Variants in POGLUT1 observed in about 807,000 individuals in gnomAD.
POGLUT1 encodes the protein 9630046K23Rik.
Under a neutral mutation model 61.3 loss-of-function variants are expected in POGLUT1, and 32 were observed. That is an observed-to-expected ratio of 0.52 (90% CI 0.39 to 0.70). The LOEUF is 0.70. Among genes scored for constraint, POGLUT1 ranks in the 30% least tolerant of loss-of-function variants. The pLI is 0.00. For missense variants in POGLUT1, 411 were observed against 469.8 expected (o/e 0.87, Z 1.16); for synonymous variants, 158 against 158.2 (o/e 1.00, Z 0.01).
At chr3:119,472,388 A>T (rs532672593) in intron 3 of POGLUT1, among the ~76,000 whole-genome samples, 79 of 152,320 alleles carry the variant, frequency 5.2e-4, no homozygotes, top group Non-Finnish European at 1.3e-4. Flanking sequence ...GTATTTAATA[A>T]CAACTTTGTA....
At chr3:119,487,403 A>G (rs2081678139) in intron 7 of POGLUT1, among the ~76,000 whole-genome samples, 2 of 152,120 alleles carry the variant, frequency 1.3e-5, no homozygotes, top group African/African-American at 4.8e-5. Flanking sequence ...CCTGGCCAAC[A>G]TGGTGAAACC....
In POGLUT1 at chr3:119,493,773, T is replaced by G. The variant is rs942472394; in HGVS notation, c.*1335T>G. 5 of 151,692 alleles carry G rather than the reference T, an allele frequency of 3.3e-5. No individual in the cohort carries two copies. In the East Asian group the frequency reaches 9.7e-4, roughly 29 times the overall value. 9.4% of individuals were successfully genotyped at this position (151,692 alleles called of 1,614,324 possible). On this transcript the variant is annotated 3_prime_UTR_variant, in exon 11 of 11. Transcript: ENST00000295588. ...AGTTGAGCATGCCTGGCAAGATCAT[T>G]TCATGGAATAAGCAGATGTTTAAAG...
intron 2 of POGLUT1, among the ~76,000 whole-genome samples, chr3:119,470,785 C>T (rs1183832321): frequency 1.3e-5 from 2 of 152,128 alleles, no homozygotes; most frequent in Non-Finnish European, 2.9e-5. Context: ...CAAAAAATTC[C>T]TTGGATGCTT....
intron 3 of POGLUT1, 58 bp from the exon 4 acceptor site, chr3:119,477,255 C>G: frequency 6.4e-7 from 1 of 1,570,628 alleles, no homozygotes; most frequent in Non-Finnish European, 8.7e-7. Flanking sequence ...GGGACCTCGC[C>G]TTGTCCTAGA....
chr3:119,473,874 T>A (rs1166581926), intron 3 of POGLUT1, among the ~76,000 whole-genome samples: 1 of 152,158 alleles, frequency 6.6e-6, no homozygotes, highest in African/African-American at 2.4e-5. Context: ...TTCGTCAGGC[T>A]GGTCTCAAAC....
At chr3:119,483,630 A>T (rs1311194120) in intron 5 of POGLUT1, among the ~76,000 whole-genome samples, 4 of 152,206 alleles carry the variant, frequency 2.6e-5, no homozygotes, top group African/African-American at 9.7e-5. Flanking sequence ...TTGTTACCTA[A>T]CAGTATGTAT....
chr3:119,474,217 T>C (rs757106033), intron 3 of POGLUT1, among the ~76,000 whole-genome samples: 3 of 152,218 alleles, frequency 2.0e-5, no homozygotes, highest in Non-Finnish European at 4.4e-5. Flanking sequence ...ATATGTTAAT[T>C]AGCTTGATAT....
chr3:119,471,160 T>A lies in POGLUT1; in HGVS notation c.177-149T>A, dbSNP rs1273990908. 14 of 708,128 alleles carry A rather than the reference T, an allele frequency of 2.0e-5. No individual in the cohort carries two copies. In the East Asian group the frequency reaches 3.2e-4, roughly 16 times the overall value. 43.9% of individuals were successfully genotyped at this position (708,128 alleles called of 1,614,324 possible). A position where few individuals can be genotyped will look rare whatever the true frequency, so the allele number is the denominator to read the frequency against. On this transcript the variant is annotated intron_variant, in intron 2 of 10. Coordinates refer to ENST00000295588, the MANE Select transcript of POGLUT1 (RefSeq NM_152305.3). ...TGATGTTTCAGATTACCTACAGGGC[T>A]TCTAGGGAAGAGCTGCTCATTCTCA...
At chr3:119,487,917 T>C (rs1256048063) in intron 7 of POGLUT1, 3 of 152,198 alleles carry the variant, frequency 2.0e-5, no homozygotes, top group Non-Finnish European at 4.4e-5. Context: ...ACTTTTCAAG[T>C]GATTCTAAGG....
chr3:119,480,215 T>G, intron 5 of POGLUT1, 43 bp downstream of exon 5: 1 of 1,471,270 alleles, frequency 6.8e-7, no homozygotes, highest in Non-Finnish European at 9.2e-7. Flanking sequence ...TTTCTGGGTT[T>G]TCTTGAAATA....
At chr3:119,469,368 G>A in intron 1 of POGLUT1, 1 of 579,106 alleles carries the variant, frequency 1.7e-6, no homozygotes, top group Middle Eastern at 3.1e-4. Context: ...CGCAGGAGGC[G>A]TGGCCCGTGC....
At chr3:119,477,277 C>T in intron 3 of POGLUT1, 36 bp from the exon 4 acceptor site, 4 of 1,610,848 alleles carry the variant, frequency 2.5e-6, no homozygotes, top group Non-Finnish European at 3.4e-6. Flanking sequence ...CCTGCAGGCA[C>T]TACTCTGCTG....
chr3:119,471,088 A>G (rs2081465156), intron 2 of POGLUT1, among the ~76,000 whole-genome samples: 1 of 152,258 alleles, frequency 6.6e-6, no homozygotes, highest in Non-Finnish European at 1.5e-5. Flanking sequence ...GGAAGGAGGA[A>G]GAAGAGACAT....
chr3:119,491,777 G>A (rs1252474530), intron 10 of POGLUT1, among the ~76,000 whole-genome samples: 5 of 152,286 alleles, frequency 3.3e-5, no homozygotes, highest in African/African-American at 9.6e-5. Flanking sequence ...AAGATGGGCC[G>A]GGCGTGGTGG....
intron 3 of POGLUT1, 86 bp downstream of exon 3, chr3:119,471,538 T>A: frequency 1.7e-6 from 2 of 1,164,688 alleles, no homozygotes; most frequent in Non-Finnish European, 2.6e-6. Flanking sequence ...TTCATGGGAC[T>A]AACAAGCAGA....
Position 119,485,212 on chromosome 3 carries a change from G to T in POGLUT1, c.579-116G>T, listed in dbSNP as rs1187091820. 12 of 643,762 alleles carry T rather than the reference G, an allele frequency of 1.9e-5. No individual in the cohort carries two copies. In the African/African-American group the frequency reaches 2.0e-4, roughly 11 times the overall value. 39.9% of individuals were successfully genotyped at this position (643,762 alleles called of 1,614,324 possible). On this transcript the variant is annotated intron_variant, in intron 5 of 10. Coordinates refer to ENST00000295588, the MANE Select transcript of POGLUT1 (RefSeq NM_152305.3). ...AGCCTGGACGACAGTGCGAGACTCC[G>T]TCTCAAAAAAAAAAAAGAAATATGA...
At chr3:119,480,373 C>G (rs527560831) in intron 5 of POGLUT1, among the ~76,000 whole-genome samples, 37 of 152,078 alleles carry the variant, frequency 2.4e-4, no homozygotes, top group Non-Finnish European at 4.4e-4. Context: ...CTCAGCCTCC[C>G]GAGTAGCTGG....
chr3:119,469,969 T>C, intron 2 of POGLUT1, 59 bp downstream of exon 2: 3 of 1,004,784 alleles, frequency 3.0e-6, no homozygotes, highest in Non-Finnish European at 4.7e-6. Context: ...GGAAGTATTC[T>C]AACATCCTTG....
chr3:119,477,129 G>T (rs940716427), intron 3 of POGLUT1, among the ~76,000 whole-genome samples, 184 bp from the exon 4 acceptor site: 1 of 152,172 alleles, frequency 6.6e-6, no homozygotes, highest in African/African-American at 2.4e-5. Flanking sequence ...GAGTGAACTT[G>T]CACAATACAA....
Sources: gnomAD v4.1 joint callset for allele counts (sites outside exome capture counted in the v4.1 genomes callset) on GRCh38, gnomAD v4.1.1 for gene constraint, MANE v1.5 for transcripts, NCBI Gene and HGNC (gene_info 2026-07-23, HGNC 2026-07-21) for gene names.